The following MTUS2 variants were observed in gnomAD, a reference collection of about 807,000 sequenced individuals.
MTUS2 encodes microtubule associated scaffold protein 2.
A neutral mutation model predicts 114.1 loss-of-function variants in MTUS2; 40 were observed. That is an observed-to-expected ratio of 0.35 (90% confidence interval 0.27 to 0.46). MTUS2 has a LOEUF of 0.46. MTUS2 is among the 20% of genes least tolerant of loss of function. The pLI is 1.00. For missense variants in MTUS2, 1,679 were observed against 1,705.4 expected, an observed-to-expected ratio of 0.98 and a Z score of 0.27; for synonymous variants, 688 against 672.0, an observed-to-expected ratio of 1.02 and a Z score of -0.37.
At chr13:29,183,420 C>T (rs1292088465) in intron 5 of MTUS2, among the ~76,000 whole-genome samples, 7 of 152,102 alleles carry the variant, frequency 4.6e-5, no homozygotes, top group Non-Finnish European at 8.8e-5. Flanking sequence ...AGTTCTGTTT[C>T]GGACGTGGCT....
rs187995621 is a variant in MTUS2, at chr13:29,074,319, C to T, written c.2447-26454C>T. 6.6e-5 allele frequency among the ~76,000 whole-genome samples: 10 copies of T among 152,266 alleles called. No homozygotes were observed. The East Asian group carries it at 1.3e-3, about 21-fold the overall frequency. On this transcript the variant is annotated intron_variant, in intron 4 of 15. Coordinates refer to ENST00000612955, the MANE Select transcript of MTUS2 (RefSeq NM_001033602.4). ...GTTTACCTCCTCCAGTAACCTATTC[C>T]TTGCTTAGTCCGGGTGGTGCTAGGG... is the stretch of plus-strand genomic sequence containing the variant.
At chr13:29,174,243 G>C (rs1243399387) in intron 5 of MTUS2, among the ~76,000 whole-genome samples, 1 of 152,016 alleles carries the variant, frequency 6.6e-6, no homozygotes, top group Non-Finnish European at 1.5e-5. Flanking sequence ...TGCATGTTTG[G>C]GTGCACTCTT....
Position 29,025,270 on chromosome 13 carries a change from C to G in MTUS2, c.572C>G (p.Thr191Ser), listed in dbSNP as rs1886468269. 1.2e-6 allele frequency: 2 copies of G among 1,613,980 alleles called. No individual in the cohort carries two copies. Among genetic ancestry groups the G allele is most frequent in the African/African-American group, 2.7e-5 (2 of 75,050 alleles). Residue 191 changes from threonine (T) to serine (S), a missense_variant, in exon 3 of 16, where the codon ACT becomes AGT. Thr to Ser is a moderately conservative substitution (Grantham distance 58). Coordinates refer to ENST00000612955, the MANE Select transcript of MTUS2 (RefSeq NM_001033602.4). ...TCTGTAGCTGCAGTCGGGAGCCTGA[C>G]TCCGCAGCATCCACAGCCTCTATCC... The part of the protein sequence containing the change: ...SSSVAAVGSL[T>S]PQHPQPLSLD...
chr13:29,280,583 C>G (rs938167591), intron 5 of MTUS2, among the ~76,000 whole-genome samples: 6 of 152,038 alleles, frequency 3.9e-5, no homozygotes, highest in Non-Finnish European at 7.4e-5. Flanking sequence ...TTTATGCAGG[C>G]CTTATCTAAA....
At chr13:28,936,338 C>T (rs1056651646) in intron 2 of MTUS2, among the ~76,000 whole-genome samples, 1 of 152,208 alleles carries the variant, frequency 6.6e-6, no homozygotes, top group African/African-American at 2.4e-5. Flanking sequence ...TTTATTTTGA[C>T]TGCATGTTTT....
intron 9 of MTUS2, among the ~76,000 whole-genome samples, chr13:29,442,225 C>T (rs9508456): frequency 0.3 from 45,530 of 152,040 alleles, 7,957 homozygotes; most frequent in Middle Eastern, 0.4. Context: ...CAATTCACAG[C>T]GACCACAGTG....
intron 2 of MTUS2, among the ~76,000 whole-genome samples, chr13:28,994,813 A>G (rs1885020970): frequency 6.6e-6 from 1 of 152,076 alleles, no homozygotes; most frequent in African/African-American, 2.4e-5. Flanking sequence ...CCTTTGTCAG[A>G]TGAGTAGGTT....
chr13:29,382,761 C>T (rs1872312403), intron 8 of MTUS2, among the ~76,000 whole-genome samples: 2 of 152,148 alleles, frequency 1.3e-5, no homozygotes, highest in Admixed American at 6.5e-5. Context: ...CAGCACTTTC[C>T]TTTACGGAAT....
chr13:29,147,702 T>C (rs1236370284), intron 5 of MTUS2, among the ~76,000 whole-genome samples: 1 of 152,168 alleles, frequency 6.6e-6, no homozygotes, highest in Admixed American at 6.5e-5. Context: ...TGGTTTTCTG[T>C]TCTTGCATTA....
At chr13:29,043,969 T>C (rs964325155) in intron 4 of MTUS2, among the ~76,000 whole-genome samples, 1 of 151,810 alleles carries the variant, frequency 6.6e-6, no homozygotes, top group Non-Finnish European at 1.5e-5. Context: ...TACATTGTTA[T>C]TGATTGTCAA....
intron 2 of MTUS2, among the ~76,000 whole-genome samples, chr13:28,840,654 G>A (rs1352744412): frequency 1.3e-5 from 2 of 152,160 alleles, no homozygotes; most frequent in Non-Finnish European, 2.9e-5. Context: ...CGTAAACATG[G>A]TGCTCTTCCA....
At chr13:29,385,763 C>T (rs1872592695) in intron 8 of MTUS2, among the ~76,000 whole-genome samples, 1 of 152,184 alleles carries the variant, frequency 6.6e-6, no homozygotes, top group African/African-American at 2.4e-5. Flanking sequence ...TCATCTCTTC[C>T]AAGCATGAGC....
chr13:29,059,146 G>A (rs1043538226), intron 4 of MTUS2, among the ~76,000 whole-genome samples: 12 of 151,090 alleles, frequency 7.9e-5, no homozygotes, highest in African/African-American at 2.2e-4. Context: ...GTGGCTTTTC[G>A]AATTGCCAGA....
intron 8 of MTUS2, among the ~76,000 whole-genome samples, chr13:29,405,717 T>G (rs1457208322): frequency 6.6e-6 from 1 of 151,406 alleles, no homozygotes; most frequent in Non-Finnish European, 1.5e-5. Flanking sequence ...AGAATTATAT[T>G]ATGACGACCA....
At chr13:29,088,909 C>A (rs117280208) in intron 4 of MTUS2, among the ~76,000 whole-genome samples, 1 of 152,118 alleles carries the variant, frequency 6.6e-6, no homozygotes, top group East Asian at 1.9e-4. Context: ...GCTTATCTAT[C>A]CAATTTGCCA....
intron 4 of MTUS2, among the ~76,000 whole-genome samples, chr13:29,052,390 G>GGAATC (rs1402160805): frequency 6.9e-6 from 1 of 145,442 alleles, no homozygotes; most frequent in Non-Finnish European, 1.5e-5. Context: ...CTGAGACACA[G>GGAATC]GAATCACTTG....
At chr13:29,199,453 G>T (rs1036706649) in intron 5 of MTUS2, among the ~76,000 whole-genome samples, 8 of 152,130 alleles carry the variant, frequency 5.3e-5, no homozygotes, top group Non-Finnish European at 7.3e-5. Context: ...ATAATCATGT[G>T]GTTTTTGTCA....
At chr13:29,187,685 C>A (rs997894859) in intron 5 of MTUS2, among the ~76,000 whole-genome samples, 1 of 152,114 alleles carries the variant, frequency 6.6e-6, no homozygotes, top group African/African-American at 2.4e-5. Context: ...TTCCTTATTT[C>A]CTACCAGATG....
At chr13:28,932,213 T>G (rs73161872) in intron 2 of MTUS2, among the ~76,000 whole-genome samples, 5 of 152,006 alleles carry the variant, frequency 3.3e-5, no homozygotes, top group African/African-American at 4.8e-5. Flanking sequence ...AGTAAGGTCT[T>G]TGGAACGGAC....
Sources: allele counts gnomAD v4.1 joint callset (sites outside exome capture counted in the v4.1 genomes callset), GRCh38; gene constraint gnomAD v4.1.1; transcripts MANE v1.5; gene names NCBI Gene and HGNC (gene_info 2026-07-23, HGNC 2026-07-21).